Variants in JMJD1C observed in about 807,000 individuals in gnomAD.
The protein encoded by JMJD1C is jumonji domain-containing protein 1C.
In JMJD1C, 31 loss-of-function variants were observed where a neutral mutation model predicts 245.3. The observed-to-expected ratio is 0.13, with a 90% CI of 0.09 to 0.17. The LOEUF is 0.17. JMJD1C is among the 10% of genes least tolerant of loss of function. JMJD1C has a pLI of 1.00. For missense variants in JMJD1C, 2,691 were observed against 3,000.2 expected (o/e 0.90, Z 2.41); for synonymous variants, 1,057 against 1,017.4 (o/e 1.04, Z -0.74).
At chr10:63,357,833 A>G (rs1944987005) in intron 2 of JMJD1C, among the ~76,000 whole-genome samples, 1 of 82,438 alleles carries the variant, frequency 1.2e-5, no homozygotes, top group Non-Finnish European at 3.2e-5. Context: ...ACAGACACAC[A>G]CACACACACA....
At chr10:63,375,188 T>TGTTG (rs1946630969) in intron 2 of JMJD1C, among the ~76,000 whole-genome samples, 1 of 142,782 alleles carries the variant, frequency 7.0e-6, no homozygotes, top group Admixed American at 7.0e-5. Context: ...ATTGGCTTTT[T>TGTTG]TTTTTTTTTT....
chr10:63,403,211 T>A (rs144956838), intron 1 of JMJD1C, among the ~76,000 whole-genome samples: 1 of 152,324 alleles, frequency 6.6e-6, no homozygotes, highest in East Asian at 1.9e-4. Context: ...ATCCTACCAC[T>A]CAAATGTACA....
intron 2 of JMJD1C, among the ~76,000 whole-genome samples, chr10:63,357,606 T>C (rs969931457): frequency 6.6e-6 from 1 of 152,132 alleles, no homozygotes; most frequent in Non-Finnish European, 1.5e-5. Flanking sequence ...AAGCCCGGCA[T>C]AAATGTGCTT....
chr10:63,473,814 G>A (rs939347019), intron 1 of JMJD1C, among the ~76,000 whole-genome samples: 9 of 151,840 alleles, frequency 5.9e-5, no homozygotes, highest in South Asian at 2.1e-4. Context: ...AGGCCAAGGC[G>A]GGCGGATCAC....
In JMJD1C at chr10:63,374,973, A is replaced by G. The variant is rs149910851; in HGVS notation, c.333+5345T>C. On this transcript the variant is annotated intron_variant, in intron 2 of 25. Transcript: ENST00000399262. ...ATTATATCATCTGTGAACAGACACA[A>G]TTTTACTTCTTTCTTTCCAATTTAA... Among the ~76,000 whole-genome samples, 489 of 152,198 alleles carry G rather than the reference A, an allele frequency of 3.2e-3. 2 individuals are homozygous for G. The highest frequency in any genetic ancestry group is 0.011 in the African/African-American group (474 of 41,526).
intron 1 of JMJD1C, among the ~76,000 whole-genome samples, chr10:63,419,458 A>G (rs1589711698): frequency 6.6e-6 from 1 of 152,180 alleles, no homozygotes; most frequent in East Asian, 1.9e-4. Flanking sequence ...AATAAAACAG[A>G]CAAGAACTAC....
chr10:63,474,788 A>G (rs1319735214), intron 1 of JMJD1C, among the ~76,000 whole-genome samples: 3 of 152,138 alleles, frequency 2.0e-5, no homozygotes, highest in African/African-American at 4.8e-5. Flanking sequence ...AAAATCAAAG[A>G]GAAGACTGAA....
At chr10:63,224,919 G>C (rs1286550375) in intron 3 of JMJD1C, among the ~76,000 whole-genome samples, 3 of 151,962 alleles carry the variant, frequency 2.0e-5, no homozygotes, top group Non-Finnish European at 4.4e-5. Context: ...AAACCTAGCT[G>C]GGTGTGGTGG....
At chr10:63,208,924 TAATA>T in intron 9 of JMJD1C, 123 bp from the exon 10 acceptor site, 2 of 1,032,844 alleles carry the variant, frequency 1.9e-6, no homozygotes, top group Non-Finnish European at 2.8e-6. Flanking sequence ...TCTAATACTA[TAATA>T]AATTTGAAGA....
At chr10:63,181,434 G>T (rs966265924) in intron 22 of JMJD1C, among the ~76,000 whole-genome samples, 2 of 152,068 alleles carry the variant, frequency 1.3e-5, no homozygotes, top group Admixed American at 1.3e-4. Flanking sequence ...AGTTACAATT[G>T]AAAGAATGAA....
At chr10:63,424,487 A>G (rs978198753) in intron 1 of JMJD1C, among the ~76,000 whole-genome samples, 1 of 133,588 alleles carries the variant, frequency 7.5e-6, no homozygotes, top group African/African-American at 2.7e-5. Context: ...CACAAAAACC[A>G]TTATTATTTC....
chr10:63,313,915 G>A (rs1371307732), intron 2 of JMJD1C, among the ~76,000 whole-genome samples: 1 of 152,180 alleles, frequency 6.6e-6, no homozygotes, highest in African/African-American at 2.4e-5. Context: ...CTTTTGGCAT[G>A]CAGAAGCTCT....
In JMJD1C at chr10:63,389,968, A is replaced by G. The variant is rs186426967; in HGVS notation, c.169-9486T>C. ...AGAATTTCAAATACAGTGTCAAACC[A>G]TACATCCCATGAAAACAGAATAGAA... On this transcript the variant is annotated intron_variant, in intron 1 of 25. Transcript: ENST00000399262. Among the ~76,000 whole-genome samples, 78 of 152,316 alleles carry G rather than the reference A, an allele frequency of 5.1e-4. 1 individual carries two copies. The highest frequency in any genetic ancestry group is 6.8e-3 in the Middle Eastern group (2 of 294).
At chr10:63,382,895 T>TC (rs1366222446) in intron 1 of JMJD1C, 1 of 455,566 alleles carries the variant, frequency 2.2e-6, no homozygotes, top group Non-Finnish European at 4.4e-6. Context: ...CAACTTCAAC[T>TC]CCAACTTAGC....
chr10:63,433,662 T>G (rs1269555102), intron 1 of JMJD1C, among the ~76,000 whole-genome samples: 1 of 150,176 alleles, frequency 6.7e-6, no homozygotes, highest in Non-Finnish European at 1.5e-5. Context: ...CATGGCTCAC[T>G]GCAGTTTCGA....
intron 2 of JMJD1C, among the ~76,000 whole-genome samples, chr10:63,290,288 G>T (rs898121780): frequency 2.6e-5 from 4 of 152,138 alleles, no homozygotes; most frequent in Non-Finnish European, 5.9e-5. Context: ...GTAAATGGTG[G>T]CCAGGCGCGG....
intron 1 of JMJD1C, among the ~76,000 whole-genome samples, chr10:63,414,986 T>C (rs555132154): frequency 1.8e-4 from 28 of 151,788 alleles, no homozygotes; most frequent in Admixed American, 2.0e-4. Flanking sequence ...TAGGTTGGTA[T>C]TCCCAACAAG....
intron 2 of JMJD1C, among the ~76,000 whole-genome samples, chr10:63,357,139 T>G (rs1437297590): frequency 1.3e-5 from 2 of 151,988 alleles, no homozygotes; most frequent in African/African-American, 4.8e-5. Flanking sequence ...GTTCCAGTGA[T>G]TCTCCTGCCT....
intron 3 of JMJD1C, among the ~76,000 whole-genome samples, chr10:63,234,507 A>C (rs1341794809): frequency 7.4e-5 from 11 of 149,338 alleles, no homozygotes; most frequent in South Asian, 6.3e-4. Flanking sequence ...AAAAAAAAAA[A>C]AAAAAAAAAA....
Sources: gnomAD v4.1 joint callset for allele counts (sites outside exome capture counted in the v4.1 genomes callset) on GRCh38, gnomAD v4.1.1 for gene constraint, MANE v1.5 for transcripts, NCBI Gene and HGNC (gene_info 2026-07-23, HGNC 2026-07-21) for gene names.